Variants in KIAA1549L observed in about 807,000 individuals in gnomAD.
KIAA1549L encodes the protein UPF0606 protein KIAA1549L.
Under a neutral mutation model 160.7 loss-of-function variants are expected in KIAA1549L, and 88 were observed. The observed-to-expected ratio is 0.55, with a 90% CI of 0.46 to 0.65. The LOEUF is 0.65. Ranked by LOEUF, KIAA1549L falls within the 30% of genes least tolerant of loss-of-function variation. The pLI is 0.00. For synonymous variants in KIAA1549L, 950 were observed against 976.7 expected (o/e 0.97, Z 0.51); for missense variants, 2,258 against 2,437.5 (o/e 0.93, Z 1.55).
At chr11:33,614,299 G>A (rs916257968) in intron 15 of KIAA1549L, among the ~76,000 whole-genome samples, 1 of 151,438 alleles carries the variant, frequency 6.6e-6, no homozygotes, top group African/African-American at 2.4e-5. Context: ...TGCCTTTCAT[G>A]TGCAAAGCAG....
Position 33,667,930 on chromosome 11 carries a change from C to T in KIAA1549L, c.6217C>T (p.Pro2073Ser). The change falls in exon 21 of 21, where the codon CCC (proline) becomes TCC (serine). Residue 2073 changes from proline to serine, a missense_variant. Pro to Ser is a moderately conservative substitution (Grantham distance 74). Around this residue, in one of 6 missense-constraint regions of KIAA1549L, gnomAD observed 1,359 missense variants for 1,546.6 expected, o/e 0.88. Coordinates refer to ENST00000658780, the MANE Select transcript of KIAA1549L (RefSeq NM_012194.3). Reference sequence around the variant, plus strand: ...CCGATCACGGTACCCCCAGAGCTCTCCCTCCAGGCTTCCTCGTCAGTACAG... The same window carrying T: ...CCGATCACGGTACCCCCAGAGCTCTTCCTCCAGGCTTCCTCGTCAGTACAG... The part of the protein sequence containing the change: ...YPRSRYPQSS[P>S]SRLPRQYSQP... 2 of 1,613,810 alleles carry T rather than the reference C, an allele frequency of 1.2e-6. No individual in the cohort carries two copies. Among genetic ancestry groups the T allele is most frequent in the Non-Finnish European group, 8.5e-7 (1 of 1,179,842 alleles).
chr11:33,413,658 C>G (rs779421427), intron 1 of KIAA1549L, among the ~76,000 whole-genome samples: 1 of 152,120 alleles, frequency 6.6e-6, no homozygotes, highest in Non-Finnish European at 1.5e-5. Context: ...AATTAATTAT[C>G]TCTACTTATT....
chr11:33,647,709 T>G (rs1851764721), intron 17 of KIAA1549L, among the ~76,000 whole-genome samples: 1 of 152,174 alleles, frequency 6.6e-6, no homozygotes, highest in East Asian at 1.9e-4. Context: ...GAGAAAGGCC[T>G]AGACAGCCAG....
At position 33,544,316 on chromosome 11, in the gene KIAA1549L, A is replaced by G. The variant is rs1251350676; in HGVS notation, c.2753A>G (p.Gln918Arg). The part of the protein sequence containing the change: ...RTSSRVLRAS[Q>R]HPKKWTADTV... ...TCCTCCAGAGTGCTGCGGGCTTCTCAGCACCCCAAGAAATGGACAGGTGCA... is the reference window on the plus strand; with the variant it reads ...TCCTCCAGAGTGCTGCGGGCTTCTCGGCACCCCAAGAAATGGACAGGTGCA... The change falls in exon 2 of 21, where the codon CAG (glutamine) becomes CGG (arginine). Residue 918 changes from glutamine to arginine, a missense_variant. Gln to Arg is a conservative substitution (Grantham distance 43, BLOSUM62 1). Transcript: ENST00000658780. The G allele has an allele frequency of 6.2e-7, 1 of 1,613,886 alleles. No individual in the cohort carries two copies. Among genetic ancestry groups the G allele is most frequent in the Non-Finnish European group, 8.5e-7 (1 of 1,179,878 alleles).
At chr11:33,510,952 G>T (rs1253717396) in intron 1 of KIAA1549L, among the ~76,000 whole-genome samples, 1 of 152,242 alleles carries the variant, frequency 6.6e-6, no homozygotes, top group East Asian at 1.9e-4. Context: ...CATGCAGACT[G>T]AGTTCAAATC....
intron 20 of KIAA1549L, chr11:33,665,238 T>C (rs2133456830): frequency 6.6e-6 from 1 of 152,358 alleles, no homozygotes; most frequent in South Asian, 2.1e-4. Context: ...AAAGGAGGTT[T>C]ATTTAGTGTT....
intron 3 of KIAA1549L, among the ~76,000 whole-genome samples, chr11:33,547,305 G>A (rs1346947544): frequency 1.3e-5 from 2 of 152,196 alleles, no homozygotes; most frequent in South Asian, 2.1e-4. Flanking sequence ...AACAATACCT[G>A]TCACATTCAA....
intron 1 of KIAA1549L, among the ~76,000 whole-genome samples, chr11:33,500,226 G>T (rs1852913348): frequency 6.6e-6 from 1 of 152,230 alleles, no homozygotes; most frequent in South Asian, 2.1e-4. Flanking sequence ...GAGGCTTAGA[G>T]AGAGGTTAAG....
At chr11:33,401,039 G>T (rs553767549) in intron 1 of KIAA1549L, among the ~76,000 whole-genome samples, 1 of 151,926 alleles carries the variant, frequency 6.6e-6, no homozygotes, top group Non-Finnish European at 1.5e-5. Flanking sequence ...CATGAGCTGC[G>T]TCCCAGGTCT....
chr11:33,632,152 G>C (rs7947399), intron 16 of KIAA1549L, among the ~76,000 whole-genome samples: 1 of 152,160 alleles, frequency 6.6e-6, no homozygotes, highest in Non-Finnish European at 1.5e-5. Flanking sequence ...AATTGTTTAC[G>C]GTAAATCCAG....
chr11:33,428,611 C>G (rs1851168188), intron 1 of KIAA1549L, among the ~76,000 whole-genome samples: 1 of 152,184 alleles, frequency 6.6e-6, no homozygotes, highest in Non-Finnish European at 1.5e-5. Flanking sequence ...TCATCCATGT[C>G]CCTACAAAGG....
chr11:33,571,902 T>G (rs1411276771), intron 9 of KIAA1549L, among the ~76,000 whole-genome samples: 2 of 152,200 alleles, frequency 1.3e-5, no homozygotes, highest in Non-Finnish European at 2.9e-5. Flanking sequence ...AAAGCCTATT[T>G]GCATACCAAA....
intron 1 of KIAA1549L, among the ~76,000 whole-genome samples, chr11:33,433,348 A>C: frequency 6.6e-6 from 1 of 152,244 alleles, no homozygotes; most frequent in East Asian, 1.9e-4. Context: ...AAAAGGCTCA[A>C]CGTCACTGAT....
intron 1 of KIAA1549L, among the ~76,000 whole-genome samples, chr11:33,435,796 A>ATATATATATGTGTGTGTGTGTGTGTGTG (rs1851352994): frequency 2.9e-5 from 1 of 34,662 alleles, no homozygotes; most frequent in African/African-American, 1.8e-4. Flanking sequence ...ATATATATAT[A>ATATATATATGTGTGTGTGTGTGTGTGTG]TATATATATA....
At chr11:33,439,342 G>A (rs1851445849) in intron 1 of KIAA1549L, among the ~76,000 whole-genome samples, 1 of 152,058 alleles carries the variant, frequency 6.6e-6, no homozygotes, top group Non-Finnish European at 1.5e-5. Context: ...GATATATACT[G>A]ATCAGATCAA....
intron 1 of KIAA1549L, among the ~76,000 whole-genome samples, chr11:33,505,970 T>C: frequency 6.6e-6 from 1 of 152,238 alleles, no homozygotes; most frequent in East Asian, 1.9e-4. Context: ...TGGTATCTTA[T>C]TTTCATCAAT....
rs569887988 is a variant in KIAA1549L at position 33,661,079 on chromosome 11, G to A, written c.6159+65G>A. On this transcript the variant is annotated intron_variant, in intron 20 of 20. Transcript: ENST00000658780. ...TTAACACATGCCAAAAAGTAAATTA[G>A]ATAAAAGGTTGAGACTGAAGGTTTT... The A allele has an allele frequency of 8.2e-6, 12 of 1,468,948 alleles. No individual in the cohort carries two copies. The East Asian group carries it at 2.0e-4, about 24-fold the overall frequency. The allele number at this position is 1,468,948 out of a possible 1,614,324, so 91.0% of individuals were successfully genotyped here.
chr11:33,416,956 G>A (rs1170152949), intron 1 of KIAA1549L, among the ~76,000 whole-genome samples: 1 of 152,130 alleles, frequency 6.6e-6, no homozygotes, highest in Non-Finnish European at 1.5e-5. Context: ...TTTATCAGGT[G>A]ACATTAGAGG....
At chr11:33,406,975 C>A (rs543145439) in intron 1 of KIAA1549L, among the ~76,000 whole-genome samples, 1 of 151,990 alleles carries the variant, frequency 6.6e-6, no homozygotes, top group South Asian at 2.1e-4. Flanking sequence ...TAGTTTCTGT[C>A]TTTGAGCTCT....
Sources: gnomAD v4.1 joint callset for allele counts (sites outside exome capture counted in the v4.1 genomes callset) on GRCh38, gnomAD v4.1.1 for gene constraint, gnomAD v4.1.1 regional missense constraint, MANE v1.5 for transcripts, NCBI Gene and HGNC (gene_info 2026-07-23, HGNC 2026-07-21) for gene names.